The following EP400 variants were observed in gnomAD, a reference collection of about 807,000 sequenced individuals.
EP400 encodes the protein E1A binding protein p400.
Under a neutral mutation model 354.1 loss-of-function variants are expected in EP400, and 105 were observed. The observed-to-expected ratio is 0.30, with a 90% CI of 0.25 to 0.35. The LOEUF (loss-of-function observed/expected upper bound fraction) is 0.35. Ranked by LOEUF, EP400 falls within the 10% of genes least tolerant of loss-of-function variation. EP400 has a pLI of 1.00. For synonymous variants in EP400, 1,646 were observed against 1,716.9 expected (o/e 0.96, Z 1.02); for missense variants, 3,280 against 4,121.0 (o/e 0.80, Z 5.59).
Position 132,050,584 on chromosome 12 carries a change from C to T in EP400, c.7338-15C>T. Reference sequence around the variant, plus strand: ...CCTTTATTTAATAATTGCTGTCTCACTGTCTATACTTCAGGCTTGGCATGA... The same window carrying T: ...CCTTTATTTAATAATTGCTGTCTCATTGTCTATACTTCAGGCTTGGCATGA... On this transcript the variant is annotated splice_polypyrimidine_tract_variant and intron_variant, in intron 40 of 52. Coordinates refer to ENST00000389561, the MANE Select transcript of EP400 (RefSeq NM_015409.5). The surrounding 1 kb of genome is among the most constrained non-coding windows in gnomAD (Gnocchi z 4.8). 1 of 1,614,174 alleles carries T rather than the reference C, an allele frequency of 6.2e-7. No individual in the cohort carries two copies. Among genetic ancestry groups the T allele is most frequent in the Middle Eastern group, 1.6e-4 (1 of 6,062 alleles).
chr12:132,053,023 A>T, intron 41 of EP400, 123 bp from the exon 42 acceptor site: 1 of 999,810 alleles, frequency 1.0e-6, no homozygotes, highest in Non-Finnish European at 1.6e-6. Flanking sequence ...ACCTTGCTTT[A>T]CGCCCTCATC....
At chr12:132,069,302 T>G in intron 50 of EP400, 193 bp from the exon 51 acceptor site, 1 of 716,080 alleles carries the variant, frequency 1.4e-6, no homozygotes, top group Non-Finnish European at 2.1e-6. Flanking sequence ...CCATGCCGCA[T>G]GGGCAGAGGT....
chr12:132,065,445 C>G (rs888640047), intron 48 of EP400: 4 of 157,024 alleles, frequency 2.5e-5, no homozygotes, highest in African/African-American at 9.6e-5. Context: ...CTGGTGACAG[C>G]TGCCCTGTTG....
rs940928962 is a variant in EP400, at chr12:131,966,852, C to G, written c.1335+4898C>G. On this transcript the variant is annotated intron_variant, in intron 2 of 52. Transcript: ENST00000389561. Reference sequence around the variant, plus strand: ...TTGGGAGGTGGAGGTTACAGTGAGCCGAGTTCACCCCATTGCACTCCAGCC... The same window carrying G: ...TTGGGAGGTGGAGGTTACAGTGAGCGGAGTTCACCCCATTGCACTCCAGCC... 2.2e-5 allele frequency among the ~76,000 whole-genome samples: 3 copies of G among 136,546 alleles called. No homozygotes were observed. In the South Asian group the frequency reaches 6.7e-4, roughly 31 times the overall value. 89.6% of individuals were successfully genotyped at this position (136,546 alleles called of 152,430 possible).
chr12:131,992,657 A>AG (rs1893078601), intron 11 of EP400, among the ~76,000 whole-genome samples: 1 of 152,258 alleles, frequency 6.6e-6, no homozygotes, highest in South Asian at 2.1e-4. Context: ...CTGAGCACTC[A>AG]GTGTGTGAGC....
chr12:131,979,832 C>T, intron 3 of EP400, 39 bp downstream of exon 3: 1 of 1,534,340 alleles, frequency 6.5e-7, no homozygotes, highest in Non-Finnish European at 8.8e-7. Flanking sequence ...GGAATGCCCC[C>T]CTCTCCTTGG....
chr12:132,015,791 C>G lies in EP400; in HGVS notation c.3924-1744C>G, dbSNP rs114938006. The stretch of plus-strand genomic sequence containing the variant: ...ATTAGGTGTGCGCACGCCTCGCCCC[C>G]CTGGAGCACCTGGTAATCAAGTGTT... On this transcript the variant is annotated intron_variant, in intron 19 of 52. Coordinates refer to ENST00000389561, the MANE Select transcript of EP400 (RefSeq NM_015409.5). Among the ~76,000 whole-genome samples the G allele has an allele frequency of 7.7e-3, 1,174 of 152,302 alleles. 16 individuals carry two copies. The highest frequency in any genetic ancestry group is 0.027 in the African/African-American group (1,102 of 41,546).
chr12:131,963,744 C>T (rs1408520434), intron 2 of EP400: 2 of 836,582 alleles, frequency 2.4e-6, no homozygotes, highest in African/African-American at 3.5e-5. Flanking sequence ...ATTTTTTTTC[C>T]AGAGCCCATT....
chr12:132,042,396 A>G (rs763582955), intron 32 of EP400, among the ~76,000 whole-genome samples: 2 of 152,212 alleles, frequency 1.3e-5, no homozygotes, highest in Non-Finnish European at 2.9e-5. Flanking sequence ...TCTGAGTTCT[A>G]ACACCATCCA....
rs762719151 is a variant in EP400, at chr12:132,021,137, C to T, written c.4506C>T (p.Pro1502=). 5.6e-6 allele frequency: 9 copies of T among 1,600,388 alleles called. No individual in the cohort carries two copies. The highest frequency in any genetic ancestry group is 1.7e-4 in the Middle Eastern group (1 of 6,058). ...QASASAPRHQ[P]ASASSTAASP... Reference sequence around the variant, plus strand: ...CCGCCAGTGCTCCACGACACCAGCCCGCCTCGGCCTCCAGCACAGCCGCTA... The same window carrying T: ...CCGCCAGTGCTCCACGACACCAGCCTGCCTCGGCCTCCAGCACAGCCGCTA... The change falls in exon 23 of 53, where the codon CCC becomes CCT. Residue 1502 remains proline (P), a synonymous_variant. Coordinates refer to ENST00000389561, the MANE Select transcript of EP400 (RefSeq NM_015409.5).
At chr12:132,030,489 G>A (rs1894452178) in intron 29 of EP400, among the ~76,000 whole-genome samples, 1 of 152,206 alleles carries the variant, frequency 6.6e-6, no homozygotes, top group Non-Finnish European at 1.5e-5. Context: ...ATACAAGTTA[G>A]GGTAATATGC....
At chr12:132,028,333 G>C in intron 27 of EP400, 45 bp downstream of exon 27, 1 of 1,595,328 alleles carries the variant, frequency 6.3e-7, no homozygotes, top group Non-Finnish European at 8.6e-7. Context: ...TGGCTGCATT[G>C]CACCCCGGCA....
In EP400 at chr12:131,994,882, A is replaced by C; in HGVS notation, c.2753A>C (p.Glu918Ala). ...LTDDEVDDEE[E>A]TIEEEEANEG... ...ACCATTTTAGTGGACGATGAAGAGG[A>C]AACAATTGAAGAGGAGGAAGCAAAT... The change falls in exon 12 of 53, where the codon GAA becomes GCA. Residue 918 changes from glutamate (E) to alanine (A), a missense_variant. Glu to Ala is a moderately radical substitution (Grantham distance 107). Transcript: ENST00000389561. The surrounding 1 kb of genome is among the most constrained non-coding windows in gnomAD (Gnocchi z 4.6). 6.2e-7 allele frequency: 1 copy of C among 1,614,136 alleles called. No individual in the cohort carries two copies. The highest frequency in any genetic ancestry group is 8.5e-7 in the Non-Finnish European group (1 of 1,179,976).
rs769289977 is a variant in EP400 at position 132,018,298 on chromosome 12, C to T, written c.4199C>T (p.Pro1400Leu). The change falls in exon 21 of 53, where the codon CCG becomes CTG. Residue 1400 changes from proline (P) to leucine (L), a missense_variant. Physicochemically the swap from Pro to Leu is moderately conservative, Grantham distance 98. Coordinates refer to ENST00000389561, the MANE Select transcript of EP400 (RefSeq NM_015409.5). The surrounding 1 kb of genome is among the most constrained non-coding windows in gnomAD (Gnocchi z 4.0). ...EAELLSKKKI[P>L]RKLMEEISTS... ...GAGTTGCTGTCTAAGAAAAAGATACCGCGGAAACTCATGGAGGAAATCTCC... is the reference window on the plus strand; with the variant it reads ...GAGTTGCTGTCTAAGAAAAAGATACTGCGGAAACTCATGGAGGAAATCTCC... The T allele has an allele frequency of 8.7e-6, 14 of 1,613,384 alleles. No homozygotes were observed. The highest frequency in any genetic ancestry group is 2.2e-5 in the South Asian group (2 of 91,008).
chr12:131,982,505 G>A (rs756622874), intron 5 of EP400, 27 bp downstream of exon 5: 2 of 1,566,320 alleles, frequency 1.3e-6, no homozygotes, highest in Non-Finnish European at 1.7e-6. Flanking sequence ...AGGAAAAAAA[G>A]AAAATGGTTT....
intron 37 of EP400, 32 bp downstream of exon 37, chr12:132,044,985 G>A (rs757500107): frequency 1.9e-6 from 3 of 1,610,928 alleles, no homozygotes; most frequent in Non-Finnish European, 1.7e-6. Flanking sequence ...CATGACCTGG[G>A]GGGGCCCTGG....
chr12:131,980,394 G>A (rs1215882966), intron 3 of EP400, among the ~76,000 whole-genome samples: 3 of 152,316 alleles, frequency 2.0e-5, no homozygotes, highest in South Asian at 2.1e-4. Flanking sequence ...ACCTCTCTCA[G>A]TGCTCCATGC....
intron 2 of EP400, among the ~76,000 whole-genome samples, chr12:131,974,408 A>G (rs1892398322): frequency 6.6e-6 from 1 of 152,140 alleles, no homozygotes; most frequent in African/African-American, 2.4e-5. Flanking sequence ...GAGCCACTAC[A>G]CCTGGCTTCA....
chr12:132,026,710 G>T (rs1225381095), intron 25 of EP400, among the ~76,000 whole-genome samples: 1 of 152,160 alleles, frequency 6.6e-6, no homozygotes, highest in Non-Finnish European at 1.5e-5. Flanking sequence ...GTACCAACTG[G>T]AGTCCTGGAC....
Sources: gnomAD v4.1 joint callset for allele counts (sites outside exome capture counted in the v4.1 genomes callset) on GRCh38, gnomAD v4.1.1 for gene constraint, Gnocchi (gnomAD v3.1) non-coding constraint, MANE v1.5 for transcripts, NCBI Gene and HGNC (gene_info 2026-07-23, HGNC 2026-07-21) for gene names.